KAZN: variants seen among roughly 807,000 people sequenced by gnomAD.
The protein encoded by KAZN is kazrin, periplakin interacting protein.
In KAZN, 40 loss-of-function variants were observed where a neutral mutation model predicts 87.4. That is an observed-to-expected ratio of 0.46 (90% CI 0.36 to 0.60). The LOEUF is 0.60. Among genes scored for constraint, KAZN ranks in the 20% least tolerant of loss-of-function variants. The pLI, the probability that KAZN is intolerant of heterozygous loss-of-function variation, is 0.00. For synonymous variants in KAZN, 466 were observed against 458.3 expected (o/e 1.02, Z -0.22); for missense variants, 898 against 1,073.9 (o/e 0.84, Z 2.29).
chr1:14,885,948 A>G (rs1653992709), intron 1 of KAZN, among the ~76,000 whole-genome samples: 1 of 152,122 alleles, frequency 6.6e-6, no homozygotes, highest in Admixed American at 6.5e-5. Flanking sequence ...TGTCATGGGT[A>G]CTGTCCTGTG....
At chr1:14,016,074 G>T (rs1046914652) in intron 1 of KAZN, among the ~76,000 whole-genome samples, 24 of 152,134 alleles carry the variant, frequency 1.6e-4, no homozygotes, top group African/African-American at 5.8e-4. Flanking sequence ...TCTGAGCCTT[G>T]TTGCTAGGCT....
At chr1:14,971,687 T>C (rs1033662352) in intron 2 of KAZN, among the ~76,000 whole-genome samples, 11 of 143,814 alleles carry the variant, frequency 7.6e-5, no homozygotes, top group African/African-American at 1.6e-4. Context: ...TTTTCTTTTT[T>C]TTTTTTTTTT....
chr1:14,121,215 G>A (rs990429116), intron 1 of KAZN, among the ~76,000 whole-genome samples: 14 of 152,146 alleles, frequency 9.2e-5, no homozygotes, highest in African/African-American at 3.4e-4. Context: ...AGTATTAGCA[G>A]GCATTCAGAA....
intron 2 of KAZN, among the ~76,000 whole-genome samples, chr1:14,453,243 C>T (rs1367378613): frequency 6.6e-6 from 1 of 152,240 alleles, no homozygotes. Flanking sequence ...GCGTGAGCCA[C>T]CGTGCCTGGC....
At chr1:14,346,560 T>C (rs1245330885) in intron 2 of KAZN, among the ~76,000 whole-genome samples, 1 of 152,156 alleles carries the variant, frequency 6.6e-6, no homozygotes, top group Non-Finnish European at 1.5e-5. Context: ...GGCTTCTTTC[T>C]TCCTTGGGTT....
intron 2 of KAZN, among the ~76,000 whole-genome samples, chr1:14,256,682 G>A (rs1650542302): frequency 6.6e-6 from 1 of 152,078 alleles, no homozygotes; most frequent in Admixed American, 6.5e-5. Context: ...TAGGTTTCCC[G>A]AGCCTCAGTT....
chr1:14,468,585 T>C (rs1668284836), intron 2 of KAZN, among the ~76,000 whole-genome samples: 1 of 152,198 alleles, frequency 6.6e-6, no homozygotes, highest in Non-Finnish European at 1.5e-5. Context: ...GCTATGAGTC[T>C]TCCTACATGT....
At chr1:14,165,826 T>A (rs1645813566) in intron 1 of KAZN, among the ~76,000 whole-genome samples, 1 of 152,194 alleles carries the variant, frequency 6.6e-6, no homozygotes, top group Non-Finnish European at 1.5e-5. Context: ...TGACAGAGAT[T>A]CTGCATGTAG....
chr1:14,049,043 T>C (rs911081570), intron 1 of KAZN, among the ~76,000 whole-genome samples: 5 of 152,112 alleles, frequency 3.3e-5, no homozygotes, highest in African/African-American at 1.2e-4. Context: ...CTATTCACAA[T>C]AGCAAAGACT....
intron 2 of KAZN, among the ~76,000 whole-genome samples, chr1:14,524,136 T>G (rs568634755): frequency 5.9e-5 from 9 of 151,968 alleles, no homozygotes; most frequent in Non-Finnish European, 1.3e-4. Context: ...ATTCTCCTGC[T>G]TCAGCCTCCC....
At chr1:15,074,930 A>G (rs1639672099) in intron 8 of KAZN, among the ~76,000 whole-genome samples, 1 of 152,238 alleles carries the variant, frequency 6.6e-6, no homozygotes, top group East Asian at 1.9e-4. Context: ...AGCCACCATG[A>G]TGATGACCGT....
intron 2 of KAZN, among the ~76,000 whole-genome samples, chr1:14,571,547 C>T (rs879156067): frequency 5.9e-5 from 9 of 152,140 alleles, no homozygotes; most frequent in Admixed American, 4.6e-4. Flanking sequence ...TGGCTCCATG[C>T]GCCTATGCTG....
chr1:14,947,659 G>A (rs1045710681), intron 1 of KAZN, among the ~76,000 whole-genome samples: 1 of 146,194 alleles, frequency 6.8e-6, no homozygotes, highest in Non-Finnish European at 1.5e-5. Flanking sequence ...GTGCCACCTG[G>A]ACCAGCTCTG....
chr1:14,310,511 G>A (rs1361469693), intron 2 of KAZN, among the ~76,000 whole-genome samples: 1 of 152,140 alleles, frequency 6.6e-6, no homozygotes, highest in Non-Finnish European at 1.5e-5. Context: ...ACACGCCCAC[G>A]CATTGCCTAC....
intron 1 of KAZN, among the ~76,000 whole-genome samples, chr1:14,164,534 C>CTTT (rs1168650321): frequency 4.3e-4 from 40 of 93,780 alleles, no homozygotes; most frequent in African/African-American, 9.5e-4. Flanking sequence ...TGAGTTTCCT[C>CTTT]TTTTTTTTTT....
chr1:14,671,959 A>G (rs1004289274), intron 1 of KAZN, among the ~76,000 whole-genome samples: 2 of 152,220 alleles, frequency 1.3e-5, no homozygotes, highest in African/African-American at 4.8e-5. Flanking sequence ...TACTCTCTTT[A>G]GAAAAGAGAA....
At chr1:15,027,003 A>G (rs1671229207) in intron 2 of KAZN, among the ~76,000 whole-genome samples, 1 of 149,286 alleles carries the variant, frequency 6.7e-6, no homozygotes, top group Non-Finnish European at 1.5e-5. Context: ...CTGTACTGTC[A>G]GCTGCCGTCT....
At chr1:14,323,423 T>C (rs1348701737) in intron 2 of KAZN, among the ~76,000 whole-genome samples, 1 of 152,068 alleles carries the variant, frequency 6.6e-6, no homozygotes, top group Admixed American at 6.6e-5. Context: ...TTATATAAAA[T>C]ACCCTCTCCC....
intron 1 of KAZN, among the ~76,000 whole-genome samples, chr1:14,061,866 C>T (rs1368977785): frequency 1.3e-5 from 2 of 152,082 alleles, no homozygotes; most frequent in Non-Finnish European, 2.9e-5. Flanking sequence ...AGAGAGAATT[C>T]GGAAGACTGT....
Sources: gnomAD v4.1 joint callset for allele counts (sites outside exome capture counted in the v4.1 genomes callset) on GRCh38, gnomAD v4.1.1 for gene constraint, MANE v1.5 for transcripts, NCBI Gene and HGNC (gene_info 2026-07-23, HGNC 2026-07-21) for gene names.